Variants in BFSP2 observed in about 807,000 individuals in gnomAD.
BFSP2 encodes beaded filament structural protein 2, also known as phakinin.
A neutral mutation model predicts 44.9 loss-of-function variants in BFSP2; 38 were observed. The observed-to-expected ratio is 0.85, with a 90% confidence interval of 0.65 to 1.11. The LOEUF is 1.11. Among genes scored for constraint, BFSP2 ranks in the 50% least tolerant of loss-of-function variants. The pLI, the probability that BFSP2 is intolerant of heterozygous loss-of-function variation, is 0.00. For missense variants in BFSP2, 525 were observed against 533.0 expected, an observed-to-expected ratio of 0.99 and a Z score of 0.15; for synonymous variants, 197 against 209.9, an observed-to-expected ratio of 0.94 and a Z score of 0.53.
intron 6 of BFSP2, among the ~76,000 whole-genome samples, chr3:133,474,450 A>T (rs2074196282): frequency 6.6e-6 from 1 of 152,212 alleles, no homozygotes; most frequent in African/African-American, 2.4e-5. Context: ...AAGCGACCTA[A>T]CCACGCCCTG....
intron 1 of BFSP2, chr3:133,410,191 G>A (rs2073437087): frequency 5.1e-6 from 1 of 196,002 alleles, no homozygotes; most frequent in Admixed American, 6.1e-5. Flanking sequence ...CAGTTTCCAA[G>A]CCTACGGTAC....
chr3:133,407,185 C>A (rs917999137), intron 1 of BFSP2, among the ~76,000 whole-genome samples: 3 of 152,158 alleles, frequency 2.0e-5, no homozygotes, highest in African/African-American at 7.2e-5. Context: ...AGTTCAAGAC[C>A]AGCCTGGGCA....
chr3:133,425,785 G>GAAAGGGAAAGGGAAAGGGA lies in BFSP2; in HGVS notation c.490-21530_490-21529insAGGGAAAGGGAAAGGGAAA, dbSNP rs149805571. On this transcript the variant is annotated intron_variant, in intron 1 of 6. Coordinates refer to ENST00000302334, the MANE Select transcript of BFSP2 (RefSeq NM_003571.4). ...GGGATGGGAAAGGGAAAGGGAAAGGGAAGGGAAGGGAAGGGAAGAAGGGAA... is the reference window on the plus strand; with the variant it reads ...GGGATGGGAAAGGGAAAGGGAAAGGGAAAGGGAAAGGGAAAGGGAAAGGGAAGGGAAGGGAAGAAGGGAA... 2.9e-3 allele frequency among the ~76,000 whole-genome samples: 75 copies of GAAAGGGAAAGGGAAAGGGA among 25,608 alleles called. 2 individuals are homozygous for GAAAGGGAAAGGGAAAGGGA. The highest frequency in any genetic ancestry group is 4.3e-3 in the African/African-American group (72 of 16,890). 16.8% of individuals were successfully genotyped at this position (25,608 alleles called of 152,430 possible).
intron 1 of BFSP2, chr3:133,445,377 TGCTGAG>T (rs1222268924): frequency 1.3e-5 from 2 of 152,196 alleles, no homozygotes; most frequent in Non-Finnish European, 2.9e-5. Flanking sequence ...CTGGAAAGCT[TGCTGAG>T]ACACAAATTG....
Position 133,457,355 on chromosome 3 carries a change from G to T in BFSP2, c.891+6891G>T, listed in dbSNP as rs561026877. On this transcript the variant is annotated intron_variant, in intron 4 of 6. Transcript: ENST00000302334. ...GTTTGCTTTTATGTCTTTTTAAATT[G>T]ACTTTTATTTTATTTCAACATGTAT... 1.4e-3 allele frequency among the ~76,000 whole-genome samples: 215 copies of T among 152,204 alleles called. 1 individual carries two copies. Among genetic ancestry groups the T allele is most frequent in the South Asian group, 3.5e-3 (17 of 4,818 alleles).
At chr3:133,453,857 G>T (rs909683255) in intron 4 of BFSP2, among the ~76,000 whole-genome samples, 2 of 152,168 alleles carry the variant, frequency 1.3e-5, no homozygotes, top group African/African-American at 4.8e-5. Context: ...ATAAAATAGA[G>T]ACATAAAAAA....
intron 1 of BFSP2, among the ~76,000 whole-genome samples, chr3:133,433,421 G>A (rs201849276): frequency 6.0e-4 from 91 of 152,244 alleles, no homozygotes; most frequent in African/African-American, 9.9e-4. Context: ...TCCATCTGCT[G>A]TTCTACTACT....
intron 1 of BFSP2, among the ~76,000 whole-genome samples, chr3:133,424,836 T>C (rs984934780): frequency 2.0e-5 from 3 of 152,144 alleles, no homozygotes; most frequent in Admixed American, 2.0e-4. Context: ...TGTTTCGCCA[T>C]GTTGGCCAGG....
intron 4 of BFSP2, among the ~76,000 whole-genome samples, chr3:133,460,676 G>A (rs1048049506): frequency 3.3e-5 from 5 of 152,196 alleles, no homozygotes; most frequent in East Asian, 1.9e-4. Flanking sequence ...CAAACCAAGC[G>A]TCTGTGCCCT....
At chr3:133,412,004 G>A (rs114544875) in intron 1 of BFSP2, among the ~76,000 whole-genome samples, 628 of 152,290 alleles carry the variant, frequency 4.1e-3, no homozygotes, top group Non-Finnish European at 6.4e-3. Flanking sequence ...AAAGTATTAC[G>A]AAAGTATTAT....
At chr3:133,449,151 C>T (rs1002789243) in intron 3 of BFSP2, 1 of 157,340 alleles carries the variant, frequency 6.4e-6, no homozygotes, top group Non-Finnish European at 1.4e-5. Flanking sequence ...ACACATATTA[C>T]TGTCTGATCC....
chr3:133,421,388 C>T (rs2073591080), intron 1 of BFSP2, among the ~76,000 whole-genome samples: 1 of 152,182 alleles, frequency 6.6e-6, no homozygotes, highest in Non-Finnish European at 1.5e-5. Flanking sequence ...AGAATCGGTC[C>T]CAGGCTGCTC....
intron 1 of BFSP2, among the ~76,000 whole-genome samples, chr3:133,433,875 A>AGCCC (rs1016092090): frequency 4.1e-4 from 62 of 152,360 alleles, no homozygotes; most frequent in South Asian, 3.9e-3. Flanking sequence ...TACAAGGTAC[A>AGCCC]GCCCATTTAA....
At chr3:133,448,303 A>T (rs1205443932) in intron 2 of BFSP2, among the ~76,000 whole-genome samples, 186 bp from the exon 3 acceptor site, 2 of 152,180 alleles carry the variant, frequency 1.3e-5, no homozygotes, top group Non-Finnish European at 2.9e-5. Context: ...GTTGGCTGCA[A>T]TTGCCTTCAT....
intron 5 of BFSP2, among the ~76,000 whole-genome samples, chr3:133,471,417 C>T (rs2074160506): frequency 6.6e-6 from 1 of 152,228 alleles, no homozygotes; most frequent in African/African-American, 2.4e-5. Flanking sequence ...AGCAGGAACA[C>T]ATCTTTCCCT....
chr3:133,404,976 C>T (rs902389742), intron 1 of BFSP2: 5 of 152,252 alleles, frequency 3.3e-5, no homozygotes, highest in Non-Finnish European at 7.3e-5. Flanking sequence ...GTGCTCCTGA[C>T]TTTTCTTACC....
intron 1 of BFSP2, among the ~76,000 whole-genome samples, chr3:133,403,628 G>A (rs1296655516): frequency 1.3e-5 from 2 of 152,188 alleles, no homozygotes; most frequent in African/African-American, 4.8e-5. Context: ...AGTGGGGAAG[G>A]TCAGAGCAGG....
chr3:133,410,731 C>A (rs375118258), intron 1 of BFSP2: 2 of 244,216 alleles, frequency 8.2e-6, no homozygotes, highest in East Asian at 1.1e-4. Flanking sequence ...CCAGAGCTGT[C>A]CTCTGAGCGC....
intron 1 of BFSP2, among the ~76,000 whole-genome samples, chr3:133,418,563 G>A (rs1303421875): frequency 6.6e-6 from 1 of 152,100 alleles, no homozygotes; most frequent in Non-Finnish European, 1.5e-5. Flanking sequence ...GGACAGCCTT[G>A]GGTAGGCCCC....
Sources: gnomAD v4.1 joint callset for allele counts (sites outside exome capture counted in the v4.1 genomes callset) on GRCh38, gnomAD v4.1.1 for gene constraint, MANE v1.5 for transcripts, NCBI Gene and HGNC (gene_info 2026-07-23, HGNC 2026-07-21) for gene names.